The following BNIP5 variants were observed in gnomAD, a reference collection of about 807,000 sequenced individuals.
BNIP5 encodes the protein protein BNIP5.
BNIP5 carries 61 observed loss-of-function variants against 67.3 expected under a neutral mutation model. That is an observed-to-expected ratio of 0.91 (90% CI 0.74 to 1.12). The LOEUF is 1.12. Ranked by LOEUF, BNIP5 falls within the 50% of genes most tolerant of loss-of-function variation. The probability of loss-of-function intolerance (pLI) is 0.00; values close to 1 mark genes in which losing one functional copy is unlikely to be tolerated. For synonymous variants in BNIP5, 317 were observed against 319.0 expected, an observed-to-expected ratio of 0.99 and a Z score of 0.07; for missense variants, 826 against 816.3, an observed-to-expected ratio of 1.01 and a Z score of -0.14.
At chr6:36,335,327 C>A (rs1771990114) in intron 1 of BNIP5, among the ~76,000 whole-genome samples, 2 of 152,188 alleles carry the variant, frequency 1.3e-5, no homozygotes, top group Admixed American at 1.3e-4. Context: ...ATAGAAACTT[C>A]ACAGAGAGCC....
intron 5 of BNIP5, among the ~76,000 whole-genome samples, chr6:36,325,678 G>C (rs1477800763): frequency 6.6e-6 from 1 of 152,176 alleles, no homozygotes; most frequent in Non-Finnish European, 1.5e-5. Flanking sequence ...TGATCCACAA[G>C]TTGAAGAGTA....
rs555624788 is a variant in BNIP5, at chr6:36,329,881, AAGG to A, written c.610+197_610+199del. 5.5e-3 allele frequency among the ~76,000 whole-genome samples: 808 copies of A among 147,880 alleles called. 11 individuals are homozygous for A. Among genetic ancestry groups the A allele is most frequent in the African/African-American group, 0.018 (727 of 39,552 alleles). On this transcript the variant is annotated intron_variant, in intron 2 of 11. Coordinates refer to ENST00000437635, the MANE Select transcript of BNIP5 (RefSeq NM_001010903.5). ...AGGAAAGAGAAAAGAGAGAAAGAAG[AAGG>A]AGGAGGAGGAGGAGAGGAAGGAAGG...
chr6:36,323,440 C>T lies in BNIP5; in HGVS notation c.1324G>A (p.Ala442Thr). The stretch of plus-strand genomic sequence containing the variant: ...GAGGTGTGTTTCTTATGGTAAAACG[C>T]TCTCCTGAAGCTCGACCTTTTTTCT... ...SQEKRSSFRRAFYHKKHTSKE... is the reference protein window; with the variant it reads ...SQEKRSSFRRTFYHKKHTSKE... The change falls in exon 8 of 12, where the codon GCG (alanine) becomes ACG (threonine). Residue 442 changes from alanine to threonine, a missense_variant. Physicochemically the swap from Ala to Thr is moderately conservative, Grantham distance 58. Coordinates refer to ENST00000437635, the MANE Select transcript of BNIP5 (RefSeq NM_001010903.5). The T allele has an allele frequency of 1.2e-6, 2 of 1,614,278 alleles. No homozygotes were observed. Among genetic ancestry groups the T allele is most frequent in the Non-Finnish European group, 1.7e-6 (2 of 1,180,048 alleles).
In BNIP5 at chr6:36,319,532, G is replaced by A. The variant is rs373450017; in HGVS notation, c.1747C>T (p.Arg583Cys). 3.9e-5 allele frequency: 63 copies of A among 1,614,024 alleles called. No homozygotes were observed. In the East Asian group the frequency reaches 1.1e-3, roughly 28 times the overall value. Reference sequence around the variant, plus strand: ...TTAGAGGAGTGAGCCACCTGGCTGCGCAGGGTGGCTACCAGCTTGCTGAGG... The same window carrying A: ...TTAGAGGAGTGAGCCACCTGGCTGCACAGGGTGGCTACCAGCTTGCTGAGG... ...SSLSKLVATL[R>C]SQVAHSSKLD... is the part of the protein sequence containing the mutation. Residue 583 changes from arginine (R) to cysteine (C), a missense_variant, in exon 11 of 12, where the codon CGC (arginine) becomes TGC (cysteine). Coordinates refer to ENST00000437635, the MANE Select transcript of BNIP5 (RefSeq NM_001010903.5).
At chr6:36,320,104 G>C (rs1051986943) in intron 10 of BNIP5, among the ~76,000 whole-genome samples, 78 of 152,190 alleles carry the variant, frequency 5.1e-4, no homozygotes, top group African/African-American at 1.8e-3. Context: ...GGAATGTTTA[G>C]TACAGATGTT....
chr6:36,326,223 C>G (rs1276767266), intron 5 of BNIP5, among the ~76,000 whole-genome samples: 1 of 152,228 alleles, frequency 6.6e-6, no homozygotes, highest in Non-Finnish European at 1.5e-5. Flanking sequence ...TGCCAGGGTG[C>G]AGAAGTTGAG....
intron 3 of BNIP5, among the ~76,000 whole-genome samples, chr6:36,327,818 C>T (rs1356513754): frequency 2.0e-4 from 30 of 151,788 alleles, no homozygotes; most frequent in Non-Finnish European, 5.9e-5. Context: ...TCCCTGTTCC[C>T]AGGCTGTCTG....
At position 36,330,074 on chromosome 6, in the gene BNIP5, C is replaced by T. The variant is rs371438553; in HGVS notation, c.610+7G>A. ...GGTTGCCATAGGAACAGGCACGGTC[C>T]GCTCACCCCTGCGAGCTGGGCCCAG... On this transcript the variant is annotated splice_region_variant and intron_variant, in intron 2 of 11. Transcript: ENST00000437635. The T allele has an allele frequency of 4.1e-4, 654 of 1,591,592 alleles. 1 individual carries two copies. In the African/African-American group the frequency reaches 5.8e-3, roughly 14 times the overall value.
rs186304804 is a variant in BNIP5, at chr6:36,331,875, G to A, written c.-4-1181C>T. Among the ~76,000 whole-genome samples the A allele has an allele frequency of 9.7e-4, 147 of 151,874 alleles. 1 individual carries two copies. The highest frequency in any genetic ancestry group is 4.1e-3 in the Admixed American group (63 of 15,248). On this transcript the variant is annotated intron_variant, in intron 1 of 11. Coordinates refer to ENST00000437635, the MANE Select transcript of BNIP5 (RefSeq NM_001010903.5). ...ATCGACCCATCAGCAGAGCCTGTTG[G>A]CCTCACTCTCATAGAGCCTGTCCTC...
Position 36,325,389 on chromosome 6 carries a change from C to T in BNIP5, c.1062G>A (p.Glu354=), listed in dbSNP as rs746848760. Residue 354 remains glutamate, a synonymous_variant, in exon 6 of 12, where the codon GAG becomes GAA. Coordinates refer to ENST00000437635, the MANE Select transcript of BNIP5 (RefSeq NM_001010903.5). ...SYGLEEPKVQ[E]APSTEAGAPG... is the part of the protein sequence containing the mutation. Reference sequence around the variant, plus strand: ...GAGCCCCAGCCTCTGTAGATGGGGCCTCCTGGACTTTAGGTTCTTCCAAGC... The same window carrying T: ...GAGCCCCAGCCTCTGTAGATGGGGCTTCCTGGACTTTAGGTTCTTCCAAGC... The T allele has an allele frequency of 1.9e-6, 3 of 1,612,862 alleles. No homozygotes were observed. Among genetic ancestry groups the T allele is most frequent in the East Asian group, 2.2e-5 (1 of 44,902 alleles).
chr6:36,323,806 C>T (rs1160460506), intron 7 of BNIP5, among the ~76,000 whole-genome samples: 1 of 152,040 alleles, frequency 6.6e-6, no homozygotes. Flanking sequence ...TCGAGACCAG[C>T]CTGGCCAATA....
intron 11 of BNIP5, 54 bp from the exon 12 acceptor site, chr6:36,317,445 T>G: frequency 3.7e-5 from 56 of 1,505,410 alleles, no homozygotes; most frequent in Middle Eastern, 1.7e-4. Flanking sequence ...ATTTATGGGT[T>G]CATTCTGGAA....
At position 36,319,383 on chromosome 6, in the gene BNIP5, G is replaced by A. The variant is rs1771584317; in HGVS notation, c.1896C>T (p.Thr632=). The A allele has an allele frequency of 6.2e-7, 1 of 1,614,068 alleles. No homozygotes were observed. ...LMGLRDHYNC[T]QFPYREDQPN... ...GCTGGTCCTCCCTGTATGGGAACTG[G>A]GTGCAATTGTAGTGGTCTCTTAGGC... Residue 632 remains threonine, a synonymous_variant, in exon 11 of 12, where the codon ACC becomes ACT. Coordinates refer to ENST00000437635, the MANE Select transcript of BNIP5 (RefSeq NM_001010903.5).
At position 36,325,346 on chromosome 6, in the gene BNIP5, G is replaced by C. The variant is rs145515786; in HGVS notation, c.1105C>G (p.Pro369Ala). ...EAGAPGPSVL[P>A]TPSESQEPGE... ...GGTTCCTGGCTCTCTGATGGGGTGG[G>C]AAGCACGGAGGGACCTGGAGCCCCA... Residue 369 changes from proline (P) to alanine (A), a missense_variant, in exon 6 of 12, where the codon CCC (proline) becomes GCC (alanine). Coordinates refer to ENST00000437635, the MANE Select transcript of BNIP5 (RefSeq NM_001010903.5). 9.9e-6 allele frequency: 16 copies of C among 1,614,036 alleles called. No homozygotes were observed. The highest frequency in any genetic ancestry group is 1.3e-5 in the African/African-American group (1 of 74,934).
intron 3 of BNIP5, among the ~76,000 whole-genome samples, chr6:36,327,644 C>T (rs1771794546): frequency 1.3e-5 from 2 of 152,182 alleles, no homozygotes; most frequent in African/African-American, 2.4e-5. Flanking sequence ...CAGCCTGCCA[C>T]GCTGATGCCT....
chr6:36,330,862 C>T (rs1582135934), intron 1 of BNIP5, among the ~76,000 whole-genome samples, 168 bp from the exon 2 acceptor site: 1 of 152,324 alleles, frequency 6.6e-6, no homozygotes, highest in Non-Finnish European at 1.5e-5. Flanking sequence ...CTCCTGGGTT[C>T]AAGCGATTCT....
At chr6:36,331,539 G>A (rs557555761) in intron 1 of BNIP5, among the ~76,000 whole-genome samples, 6 of 152,150 alleles carry the variant, frequency 3.9e-5, no homozygotes, top group Non-Finnish European at 8.8e-5. Context: ...CTGGCCCCGT[G>A]TTCTCATCTG....
rs147196665 is a variant in BNIP5 at position 36,331,181 on chromosome 6, T to TTG, written c.-4-489_-4-488dup. On this transcript the variant is annotated intron_variant, in intron 1 of 11. Coordinates refer to ENST00000437635, the MANE Select transcript of BNIP5 (RefSeq NM_001010903.5). ...TAGTGTCAACAATTTCTCAAAGCTG[T>TTG]TGTCTTGTGCAAATTCCCCCAAAAC... is the stretch of plus-strand genomic sequence containing the variant. 2.4e-3 allele frequency among the ~76,000 whole-genome samples: 372 copies of TTG among 152,252 alleles called. 1 individual carries two copies. The highest frequency in any genetic ancestry group is 8.7e-3 in the African/African-American group (362 of 41,536).
Position 36,330,573 on chromosome 6 carries a change from G to T in BNIP5, c.118C>A (p.Pro40Thr), listed in dbSNP as rs763706321. ...ESWDCHWLSL[P>T]TAPSRKALHW... ...AGCGCCTTCCTGGAGGGGGCAGTGGGCAGGGAGAGCCAATGGCAGTCCCAC... is the reference window on the plus strand; with the variant it reads ...AGCGCCTTCCTGGAGGGGGCAGTGGTCAGGGAGAGCCAATGGCAGTCCCAC... The change falls in exon 2 of 12, where the codon CCC becomes ACC. Residue 40 changes from proline to threonine, a missense_variant. Transcript: ENST00000437635. 1.9e-6 allele frequency: 3 copies of T among 1,613,536 alleles called. No individual in the cohort carries two copies. The highest frequency in any genetic ancestry group is 2.5e-6 in the Non-Finnish European group (3 of 1,180,042).
Sources: gnomAD v4.1 joint callset for allele counts (sites outside exome capture counted in the v4.1 genomes callset) on GRCh38, gnomAD v4.1.1 for gene constraint, MANE v1.5 for transcripts, NCBI Gene and HGNC (gene_info 2026-07-23, HGNC 2026-07-21) for gene names.